PRSS55: variants seen among roughly 807,000 people sequenced by gnomAD.
PRSS55 encodes the protein serine protease 55, also known as probable serine protease UNQ9391/PRO34284.
PRSS55 carries 41 observed loss-of-function variants against 23.6 expected under a neutral mutation model. The observed-to-expected ratio is 1.74, with a 90% confidence interval of 1.35 to 2.26. The LOEUF is 2.26. Ranked by LOEUF, PRSS55 falls within the 30% of genes most tolerant of loss-of-function variation. The pLI is 0.00. For missense variants in PRSS55, 669 were observed against 439.1 expected, an observed-to-expected ratio of 1.52 and a Z score of -4.68; for synonymous variants, 262 against 175.5, an observed-to-expected ratio of 1.49 and a Z score of -3.90.
In PRSS55 at chr8:10,531,549, T is replaced by C. The variant is rs1293843984; in HGVS notation, c.598+4T>C. 2 of 1,613,014 alleles carry C rather than the reference T, an allele frequency of 1.2e-6. No individual in the cohort carries two copies. Among genetic ancestry groups the C allele is most frequent in the Non-Finnish European group, 1.7e-6 (2 of 1,179,864 alleles). ...GGTTGGGGCCAGACCAATGCTGGTA[T>C]GTGACTGCTCAGCTTCCCCTGGGGA... is the stretch of plus-strand genomic sequence containing the variant. On this transcript the variant is annotated splice_donor_region_variant and intron_variant, in intron 3 of 4. Coordinates refer to ENST00000328655, the MANE Select transcript of PRSS55 (RefSeq NM_198464.4).
downstream of PRSS55, among the ~76,000 whole-genome samples, chr8:10,543,463 C>CCTTCCTTCCTTCCTTCCTTCCTTT (rs71203336): frequency 2.0e-4 from 10 of 49,726 alleles, no homozygotes; most frequent in Non-Finnish European, 1.9e-4. Context: ...TTCCTTCCTT[C>CCTTCCTTCCTTCCTTCCTTCCTTT]CTTTCTTTCT....
downstream of PRSS55, among the ~76,000 whole-genome samples, chr8:10,543,447 C>CTTTT (rs1812721860): frequency 8.9e-5 from 2 of 22,450 alleles, no homozygotes; most frequent in Non-Finnish European, 1.4e-4. Context: ...TTCCTTCCAT[C>CTTTT]CTTCCTTCCT....
chr8:10,530,797 T>C (rs1254142608), intron 2 of PRSS55, among the ~76,000 whole-genome samples: 2 of 152,154 alleles, frequency 1.3e-5, no homozygotes, highest in African/African-American at 4.8e-5. Context: ...ATATCAAATA[T>C]CCTCTGGGGT....
intron 4 of PRSS55, among the ~76,000 whole-genome samples, chr8:10,538,116 G>C (rs1453706476): frequency 6.6e-6 from 1 of 152,132 alleles, no homozygotes; most frequent in Non-Finnish European, 1.5e-5. Context: ...GCCCTTTCCA[G>C]AGCCTCTCAT....
intron 4 of PRSS55, among the ~76,000 whole-genome samples, chr8:10,549,061 C>G (rs1413843043): frequency 6.6e-6 from 1 of 152,164 alleles, no homozygotes; most frequent in Non-Finnish European, 1.5e-5. Flanking sequence ...GGCTAGGTGG[C>G]CCCTGGAGCC....
chr8:10,536,623 T>A (rs11250027), intron 4 of PRSS55, among the ~76,000 whole-genome samples: 109,210 of 151,916 alleles, frequency 0.72, 39,358 homozygotes, highest in African/African-American at 0.78. Context: ...CTACATGTCC[T>A]TCGATGGTGA....
chr8:10,529,677 T>G lies in PRSS55; in HGVS notation c.325T>G (p.Cys109Gly), dbSNP rs752103560. ...GTGGTGGATTCTCACTGCGGCTCAC[T>G]GCTTATATTCCGAGGAGCTGTTGTA... ...NKWWILTAAH[C>G]LYSEELFPEE... The change falls in exon 2 of 5, where the codon TGC becomes GGC. Residue 109 changes from cysteine (C) to glycine (G), a missense_variant. Transcript: ENST00000328655. 1.2e-6 allele frequency: 2 copies of G among 1,613,978 alleles called. No individual in the cohort carries two copies. The highest frequency in any genetic ancestry group is 4.5e-5 in the East Asian group (2 of 44,886).
At chr8:10,546,858 T>G (rs940103466) in intron 4 of PRSS55, among the ~76,000 whole-genome samples, 3 of 152,030 alleles carry the variant, frequency 2.0e-5, no homozygotes, top group Admixed American at 6.5e-5. Context: ...GCTAATTATT[T>G]TTTGTAGATA....
chr8:10,546,770 CCCTT>C (rs1190008111), intron 4 of PRSS55, among the ~76,000 whole-genome samples: 2 of 152,158 alleles, frequency 1.3e-5, no homozygotes, highest in African/African-American at 4.8e-5. Flanking sequence ...TGAAGCCTCA[CCCTT>C]CCAGGCTCAA....
chr8:10,544,687 G>A (rs912846785), intron 4 of PRSS55, among the ~76,000 whole-genome samples: 1 of 152,022 alleles, frequency 6.6e-6, no homozygotes, highest in South Asian at 2.1e-4. Context: ...TGTTTTCTTA[G>A]TAGTTGCACT....
intron 3 of PRSS55, among the ~76,000 whole-genome samples, chr8:10,531,982 A>G (rs1032251974): frequency 1.3e-5 from 2 of 152,098 alleles, no homozygotes; most frequent in South Asian, 2.1e-4. Context: ...CCTTGTTGTT[A>G]TGCTGTTACT....
At chr8:10,540,172 G>T (rs60930396), downstream of PRSS55, 11,480 of 152,446 alleles carry the variant, frequency 0.075, 525 homozygotes, top group African/African-American at 0.11. Flanking sequence ...CCACCCTGCA[G>T]CATGCAACTG....
intron 4 of PRSS55, among the ~76,000 whole-genome samples, chr8:10,550,278 G>A (rs532511982): frequency 6.6e-6 from 1 of 152,250 alleles, no homozygotes; most frequent in South Asian, 2.1e-4. Context: ...TACCTAGGGA[G>A]CCCCATAACA....
intron 4 of PRSS55, among the ~76,000 whole-genome samples, chr8:10,536,386 A>G (rs1320674865): frequency 6.6e-6 from 1 of 152,242 alleles, no homozygotes; most frequent in Non-Finnish European, 1.5e-5. Flanking sequence ...GGTTGCAGAG[A>G]AAAGAGAATG....
intron 4 of PRSS55, chr8:10,545,156 G>A (rs1022623256): frequency 1.1e-4 from 23 of 215,926 alleles, no homozygotes; most frequent in Middle Eastern, 2.2e-3. Context: ...TGAACTACTC[G>A]AAAAATGAAA....
At chr8:10,534,902 G>A (rs1176511355) in intron 4 of PRSS55, among the ~76,000 whole-genome samples, 1 of 152,128 alleles carries the variant, frequency 6.6e-6, no homozygotes, top group East Asian at 1.9e-4. Flanking sequence ...AAAAATTTGT[G>A]ACATTTATAT....
At chr8:10,530,652 G>C (rs1206448464) in intron 2 of PRSS55, among the ~76,000 whole-genome samples, 2 of 152,080 alleles carry the variant, frequency 1.3e-5, no homozygotes, top group Non-Finnish European at 2.9e-5. Context: ...TCTGGCTCTA[G>C]CACTTGTGCT....
chr8:10,542,306 C>T (rs1199336123), downstream of PRSS55, among the ~76,000 whole-genome samples: 3 of 150,634 alleles, frequency 2.0e-5, no homozygotes, highest in East Asian at 2.0e-4. Context: ...TCAAGGGAAA[C>T]AACAATGTCT....
chr8:10,550,672 A>C (rs904163360), intron 4 of PRSS55, among the ~76,000 whole-genome samples: 1 of 152,148 alleles, frequency 6.6e-6, no homozygotes, highest in African/African-American at 2.4e-5. Flanking sequence ...GCCCCGAGAC[A>C]ATGCTTGATG....
Sources: allele counts gnomAD v4.1 joint callset (sites outside exome capture counted in the v4.1 genomes callset), GRCh38; gene constraint gnomAD v4.1.1; transcripts MANE v1.5; gene names NCBI Gene and HGNC (gene_info 2026-07-23, HGNC 2026-07-21).